Variants in TENM3 observed in about 807,000 individuals in gnomAD.
TENM3 encodes the protein teneurin-3.
TENM3 carries 63 observed loss-of-function variants against 255.1 expected under a neutral mutation model. The ratio of observed to expected loss-of-function variants is 0.25; its 90% CI spans 0.20 to 0.30. The LOEUF (loss-of-function observed/expected upper bound fraction) is 0.30, where lower values mean the gene tolerates loss of function less well. Among genes scored for constraint, TENM3 ranks in the 10% least tolerant of loss-of-function variants. The probability of loss-of-function intolerance (pLI) is 1.00; values close to 1 mark genes in which losing one functional copy is unlikely to be tolerated. For missense variants in TENM3, 2,929 were observed against 3,461.1 expected, an observed-to-expected ratio of 0.85 and a Z score of 3.86; for synonymous variants, 1,306 against 1,322.3, an observed-to-expected ratio of 0.99 and a Z score of 0.27.
At chr4:181,585,997 G>A in the TENM3 span, among the ~76,000 whole-genome samples, 9 of 152,164 alleles carry the variant, frequency 5.9e-5, no homozygotes, top group South Asian at 2.1e-4. Flanking sequence ...CAAGAAAACC[G>A]TGGCTTCCAG....
At chr4:181,535,599 C>A in the TENM3 span, among the ~76,000 whole-genome samples, 1 of 152,316 alleles carries the variant, frequency 6.6e-6, no homozygotes, top group East Asian at 1.9e-4. Context: ...AAGGTAGATT[C>A]TTTATAATGG....
At chr4:181,754,480 A>G in the TENM3 span, among the ~76,000 whole-genome samples, 1 of 152,294 alleles carries the variant, frequency 6.6e-6, no homozygotes, top group African/African-American at 2.4e-5. Context: ...ATGAGGAAAT[A>G]TTTCATGGAT....
intron 3 of TENM3, among the ~76,000 whole-genome samples, chr4:182,410,623 G>GA (rs1769917624): frequency 6.6e-6 from 1 of 152,148 alleles, no homozygotes; most frequent in African/African-American, 2.4e-5. Flanking sequence ...TTACGTAGAA[G>GA]ATCTATTAGC....
intron 1 of TENM3, among the ~76,000 whole-genome samples, chr4:182,273,796 A>G (rs1759811487): frequency 6.6e-6 from 1 of 152,258 alleles, no homozygotes; most frequent in African/African-American, 2.4e-5. Context: ...AGGGACGTGT[A>G]AATTGAGAAG....
the TENM3 span, among the ~76,000 whole-genome samples, chr4:181,783,484 G>A: frequency 1.3e-5 from 2 of 151,810 alleles, no homozygotes; most frequent in Non-Finnish European, 1.5e-5. Flanking sequence ...CTCCCCAAAT[G>A]TTCACATTAT....
At chr4:181,842,355 T>C in the TENM3 span, among the ~76,000 whole-genome samples, 339 of 152,310 alleles carry the variant, frequency 2.2e-3, no homozygotes, top group African/African-American at 7.4e-3. Flanking sequence ...TAAGCCTCTA[T>C]TCTATTTAAA....
chr4:182,157,658 C>T (rs1398324991), intron 1 of TENM3, among the ~76,000 whole-genome samples: 1 of 152,140 alleles, frequency 6.6e-6, no homozygotes, highest in Non-Finnish European at 1.5e-5. Flanking sequence ...TCCTGTGATT[C>T]ATGTTAAATA....
intron 18 of TENM3, among the ~76,000 whole-genome samples, chr4:182,739,951 T>C (rs1761475490): frequency 6.6e-6 from 1 of 152,052 alleles, no homozygotes. Context: ...TGGGAGAATC[T>C]CTGGAACCCA....
chr4:182,684,439 C>A (rs199734170), intron 11 of TENM3, among the ~76,000 whole-genome samples: 134 of 69,898 alleles, frequency 1.9e-3, no homozygotes, highest in South Asian at 2.7e-3. Context: ...GGCCCCATCA[C>A]AAAAAAAAAA....
At chr4:181,467,424 C>T in the TENM3 span, among the ~76,000 whole-genome samples, 2 of 151,422 alleles carry the variant, frequency 1.3e-5, no homozygotes, top group Non-Finnish European at 2.9e-5. Flanking sequence ...TGTGAGCCAC[C>T]GCACCCGGCC....
chr4:181,930,206 C>CA, the TENM3 span, among the ~76,000 whole-genome samples: 3 of 151,964 alleles, frequency 2.0e-5, no homozygotes, highest in Non-Finnish European at 4.4e-5. Flanking sequence ...AAAAACCATT[C>CA]AAAAAACCAA....
At chr4:181,877,429 G>A in the TENM3 span, among the ~76,000 whole-genome samples, 1 of 152,074 alleles carries the variant, frequency 6.6e-6, no homozygotes, top group Non-Finnish European at 1.5e-5. Context: ...CATGCTAATT[G>A]AAAAATTAGA....
chr4:182,707,644 C>T (rs1480985650), intron 12 of TENM3: 6 of 152,142 alleles, frequency 3.9e-5, no homozygotes, highest in Middle Eastern at 3.2e-3. Flanking sequence ...TAAACATTTT[C>T]GATGAGCCAC....
At chr4:182,246,996 A>G (rs1263383435) in intron 1 of TENM3, among the ~76,000 whole-genome samples, 1 of 152,230 alleles carries the variant, frequency 6.6e-6, no homozygotes, top group Non-Finnish European at 1.5e-5. Context: ...CGAAGCTCTC[A>G]GGATGAGACG....
intron 3 of TENM3, among the ~76,000 whole-genome samples, chr4:182,353,242 G>A (rs1348376378): frequency 6.6e-6 from 1 of 152,118 alleles, no homozygotes; most frequent in Non-Finnish European, 1.5e-5. Context: ...ACATAAAATG[G>A]AATTCTGTTG....
chr4:181,597,794 A>G, the TENM3 span, among the ~76,000 whole-genome samples: 1 of 152,192 alleles, frequency 6.6e-6, no homozygotes, highest in African/African-American at 2.4e-5. Flanking sequence ...TCAATCAGTA[A>G]TTCAGCTCCA....
chr4:182,624,838 A>G (rs6828975), intron 4 of TENM3, among the ~76,000 whole-genome samples: 139,776 of 152,240 alleles, frequency 0.92, 64,341 homozygotes, highest in African/African-American at 0.95. Flanking sequence ...CATGCTTTCA[A>G]TAGTACTTCA....
At chr4:181,922,096 G>A in the TENM3 span, among the ~76,000 whole-genome samples, 2 of 152,140 alleles carry the variant, frequency 1.3e-5, no homozygotes, top group African/African-American at 4.8e-5. Flanking sequence ...ACTTGATCAT[G>A]GTGGATAAGC....
intron 3 of TENM3, among the ~76,000 whole-genome samples, chr4:182,553,184 A>C (rs532016710): frequency 6.6e-5 from 10 of 152,262 alleles, no homozygotes; most frequent in Admixed American, 5.2e-4. Context: ...AGCCTCGAGC[A>C]TCTGGGCTGA....
Sources: gnomAD v4.1 joint callset for allele counts (sites outside exome capture counted in the v4.1 genomes callset) on GRCh38, gnomAD v4.1.1 for gene constraint, MANE v1.5 for transcripts, NCBI Gene and HGNC (gene_info 2026-07-23, HGNC 2026-07-21) for gene names.